Variants in RFC2 observed in about 807,000 individuals in gnomAD.
RFC2 encodes A1 40 kDa subunit.
Under a neutral mutation model 44.8 loss-of-function variants are expected in RFC2, and 34 were observed. The ratio of observed to expected loss-of-function variants is 0.76; its 90% confidence interval spans 0.58 to 1.01. The LOEUF is 1.01. RFC2 is among the 50% of genes least tolerant of loss of function. The probability of loss-of-function intolerance (pLI) is 0.00; values close to 1 mark genes in which losing one functional copy is unlikely to be tolerated. For synonymous variants in RFC2, 177 were observed against 168.9 expected (o/e 1.05, Z -0.37); for missense variants, 400 against 453.6 (o/e 0.88, Z 1.07).
At chr7:74,232,561 A>G (rs1281090033) in intron 10 of RFC2, among the ~76,000 whole-genome samples, 2 of 152,206 alleles carry the variant, frequency 1.3e-5, no homozygotes, top group Non-Finnish European at 2.9e-5. Flanking sequence ...CTGTATAAAG[A>G]ATTCTCAAAA....
Position 74,233,891 on chromosome 7 carries a change from G to A in RFC2, c.954+1641C>T, listed in dbSNP as rs541386755. 109 of 456,638 alleles carry A rather than the reference G, an allele frequency of 2.4e-4. 2 individuals carry two copies. The highest frequency in any genetic ancestry group is 1.6e-3 in the South Asian group (106 of 64,572). 28.3% of individuals were successfully genotyped at this position (456,638 alleles called of 1,614,324 possible). ...AGCCACTTCGGAAAACCGTTTGGCAGTTCCTTATCGAGTAAAACATACACT... is the reference window on the plus strand; with the variant it reads ...AGCCACTTCGGAAAACCGTTTGGCAATTCCTTATCGAGTAAAACATACACT... On this transcript the variant is annotated intron_variant, in intron 10 of 10. Coordinates refer to ENST00000055077, the MANE Select transcript of RFC2 (RefSeq NM_181471.3).
At chr7:74,241,849 A>C (rs1803345506) in intron 6 of RFC2, among the ~76,000 whole-genome samples, 1 of 152,194 alleles carries the variant, frequency 6.6e-6, no homozygotes, top group Admixed American at 6.6e-5. Context: ...AATCCCAGCT[A>C]CTGAGGAGGC....
chr7:74,245,827 G>A (rs1043575395), intron 5 of RFC2, among the ~76,000 whole-genome samples: 2 of 152,038 alleles, frequency 1.3e-5, no homozygotes, highest in East Asian at 1.9e-4. Context: ...TTGGGAGGCC[G>A]AGGCGGGTAG....
intron 5 of RFC2, 65 bp downstream of exon 5, chr7:74,246,597 A>C: frequency 8.9e-7 from 1 of 1,122,844 alleles, no homozygotes. Flanking sequence ...TTTTATCCTG[A>C]TTGAATAAAA....
intron 10 of RFC2, 40 bp from the exon 11 acceptor site, chr7:74,232,256 G>C: frequency 9.4e-7 from 1 of 1,066,704 alleles, no homozygotes; most frequent in South Asian, 1.3e-5. Flanking sequence ...TAATAAGTGG[G>C]GGAGTTCTTT....
chr7:74,241,261 A>G (rs1490991047), intron 6 of RFC2, among the ~76,000 whole-genome samples: 1 of 152,082 alleles, frequency 6.6e-6, no homozygotes, highest in African/African-American at 2.4e-5. Context: ...ATTTTTCTCC[A>G]TTTCATTGCT....
chr7:74,232,525 T>C (rs1802789810), intron 10 of RFC2, among the ~76,000 whole-genome samples: 1 of 152,194 alleles, frequency 6.6e-6, no homozygotes, highest in Non-Finnish European at 1.5e-5. Context: ...AATATTTATA[T>C]ATCTGATAAA....
In RFC2 at chr7:74,246,714, CTT is replaced by C; in HGVS notation, c.380_381del (p.Lys127SerfsTer9). On this transcript the variant is annotated frameshift_variant, in exon 5 of 11. Coordinates refer to ENST00000055077, the MANE Select transcript of RFC2 (RefSeq NM_181471.3). LOFTEE classifies it high-confidence loss of function. Reference protein sequence around the residue: ...RNKIKMFAQQKVTLPKGRHKI... With the variant: ...RNKIKMFAQQXVTLPKGRHKI... Reference sequence around the variant, plus strand: ...TTATGTCGGCCTTTGGGAAGAGTGACTTTTTGTTGAGCAAACATTTTAATTTT... The same window carrying C: ...TTATGTCGGCCTTTGGGAAGAGTGACTTTGTTGAGCAAACATTTTAATTTT... 2 of 1,613,438 alleles carry C rather than the reference CTT, an allele frequency of 1.2e-6. No individual in the cohort carries two copies. Among genetic ancestry groups the C allele is most frequent in the Non-Finnish European group, 1.7e-6 (2 of 1,179,640 alleles).
At chr7:74,240,196 C>T (rs782191456) in intron 6 of RFC2, 101 bp from the exon 7 acceptor site, 163 of 1,077,936 alleles carry the variant, frequency 1.5e-4, no homozygotes, top group Admixed American at 6.3e-4. Flanking sequence ...CCACACAGCC[C>T]CAGGCACTCA....
At chr7:74,232,671 C>T (rs1554717409) in intron 10 of RFC2, among the ~76,000 whole-genome samples, 1 of 152,110 alleles carries the variant, frequency 6.6e-6, no homozygotes, top group African/African-American at 2.4e-5. Context: ...TCGAGATCAG[C>T]CTGACCAACA....
intron 5 of RFC2, among the ~76,000 whole-genome samples, chr7:74,244,062 C>T (rs1273705147): frequency 7.0e-6 from 1 of 143,502 alleles, no homozygotes; most frequent in Non-Finnish European, 1.5e-5. Flanking sequence ...ACCAGCCTGG[C>T]CAACACAGCA....
chr7:74,250,732 T>C (rs1342312046), intron 2 of RFC2, among the ~76,000 whole-genome samples: 4 of 152,166 alleles, frequency 2.6e-5, no homozygotes, highest in Non-Finnish European at 4.4e-5. Context: ...CATGCTCCCA[T>C]TCAAATCCAT....
In RFC2 at chr7:74,243,118, C is replaced by A. The variant is rs782594189; in HGVS notation, c.535+28G>T. On this transcript the variant is annotated intron_variant, in intron 6 of 10. Coordinates refer to ENST00000055077, the MANE Select transcript of RFC2 (RefSeq NM_181471.3). ...AAAAGCCCAGTTGAGCACCACGTGG[C>A]CCCCAGCCACCGAAAGCTCCCACTC... 6 of 1,474,610 alleles carry A rather than the reference C, an allele frequency of 4.1e-6. No homozygotes were observed. In the South Asian group the frequency reaches 4.5e-5, roughly 11 times the overall value. The allele number at this position is 1,474,610 out of a possible 1,614,324, so 91.3% of individuals were successfully genotyped here.
At chr7:74,233,571 G>A (rs1021885199) in intron 10 of RFC2, among the ~76,000 whole-genome samples, 27 of 148,982 alleles carry the variant, frequency 1.8e-4, no homozygotes, top group Admixed American at 1.6e-3. Context: ...TGCCTATTAG[G>A]TTATTTTGTT....
intron 4 of RFC2, among the ~76,000 whole-genome samples, chr7:74,248,763 A>G (rs1554720514): frequency 6.6e-6 from 1 of 152,116 alleles, no homozygotes; most frequent in Non-Finnish European, 1.5e-5. Context: ...CGGCCTCCCA[A>G]AGTGCTGGAA....
At chr7:74,239,707 G>A (rs2116280612) in intron 7 of RFC2, among the ~76,000 whole-genome samples, 1 of 152,222 alleles carries the variant, frequency 6.6e-6, no homozygotes, top group South Asian at 2.1e-4. Context: ...TTGAACTCCT[G>A]ACCTCAGGTG....
chr7:74,246,656 C>T lies in RFC2; in HGVS notation c.434+6G>A, dbSNP rs782362953. On this transcript the variant is annotated splice_donor_region_variant and intron_variant, in intron 5 of 10. Coordinates refer to ENST00000055077, the MANE Select transcript of RFC2 (RefSeq NM_181471.3). ...AGGTCAAAATACATTTGGCAAAGCA[C>T]TCTACCTGTCTGCTTCATCCAGAAT... 2 of 1,580,774 alleles carry T rather than the reference C, an allele frequency of 1.3e-6. No homozygotes were observed. The highest frequency in any genetic ancestry group is 1.7e-6 in the Non-Finnish European group (2 of 1,153,212).
In RFC2 at chr7:74,237,368, G is replaced by A; in HGVS notation, c.834C>T (p.Ala278=). Reference sequence around the variant, plus strand: ...CGGGGGGAAGGAGGCCAACCTTGTAGGCTTCGTCAATGTTGGCATTCACAC... The same window carrying A: ...CGGGGGGAAGGAGGCCAACCTTGTAAGCTTCGTCAATGTTGGCATTCACAC... ...QHCVNANIDE[A]YKILAHLWHL... Residue 278 remains alanine, a synonymous_variant, in exon 9 of 11, where the codon GCC becomes GCT. Coordinates refer to ENST00000055077, the MANE Select transcript of RFC2 (RefSeq NM_181471.3). The A allele has an allele frequency of 6.2e-7, 1 of 1,604,180 alleles. No homozygotes were observed. Among genetic ancestry groups the A allele is most frequent in the Non-Finnish European group, 8.5e-7 (1 of 1,175,816 alleles).
intron 2 of RFC2, 39 bp from the exon 3 acceptor site, chr7:74,249,819 C>A: frequency 1.3e-6 from 2 of 1,565,194 alleles, no homozygotes; most frequent in East Asian, 2.2e-5. Context: ...TTAAAACTTG[C>A]TTCTGGATGA....
Sources: gnomAD v4.1 joint callset for allele counts (sites outside exome capture counted in the v4.1 genomes callset) on GRCh38, gnomAD v4.1.1 for gene constraint, MANE v1.5 for transcripts, NCBI Gene and HGNC (gene_info 2026-07-23, HGNC 2026-07-21) for gene names.